SEMA5A: variants seen among roughly 807,000 people sequenced by gnomAD.
The protein encoded by SEMA5A is semaphorin 5A.
In SEMA5A, 55 loss-of-function variants were observed where a neutral mutation model predicts 135.5. That is an observed-to-expected ratio of 0.41 (90% confidence interval 0.33 to 0.51). The LOEUF (loss-of-function observed/expected upper bound fraction) is 0.51, where lower values mean the gene tolerates loss of function less well. SEMA5A is among the 20% of genes least tolerant of loss of function. The pLI, the probability that SEMA5A is intolerant of heterozygous loss-of-function variation, is 0.37. For synonymous variants in SEMA5A, 580 were observed against 546.5 expected, an observed-to-expected ratio of 1.06 and a Z score of -0.85; for missense variants, 1,290 against 1,419.9, an observed-to-expected ratio of 0.91 and a Z score of 1.47.
chr5:9,378,612 T>C (rs901406826), intron 3 of SEMA5A, among the ~76,000 whole-genome samples: 1 of 152,226 alleles, frequency 6.6e-6, no homozygotes, highest in African/African-American at 2.4e-5. Context: ...AACTCCAGAC[T>C]GTGGGAAACT....
chr5:9,063,563 T>C (rs1737298937), intron 17 of SEMA5A, among the ~76,000 whole-genome samples: 2 of 152,202 alleles, frequency 1.3e-5, no homozygotes, highest in Admixed American at 6.5e-5. Flanking sequence ...CTTTCAGCTG[T>C]TAACCTTTCA....
chr5:9,432,043 A>G (rs1303718686), intron 2 of SEMA5A, among the ~76,000 whole-genome samples: 1 of 152,208 alleles, frequency 6.6e-6, no homozygotes, highest in African/African-American at 2.4e-5. Flanking sequence ...ACAGAGAGAG[A>G]GGCAAGATTT....
At chr5:9,376,040 C>A (rs1470097291) in intron 3 of SEMA5A, among the ~76,000 whole-genome samples, 1 of 152,140 alleles carries the variant, frequency 6.6e-6, no homozygotes, top group African/African-American at 2.4e-5. Context: ...CTCAACCACA[C>A]TCCTTTCCAA....
chr5:9,069,218 C>A (rs1025209963), intron 16 of SEMA5A, among the ~76,000 whole-genome samples: 2 of 152,178 alleles, frequency 1.3e-5, no homozygotes, highest in African/African-American at 4.8e-5. Flanking sequence ...ATGGTAGAAA[C>A]CTTCCTGAAA....
At chr5:9,109,196 A>T (rs1740106999) in intron 15 of SEMA5A, among the ~76,000 whole-genome samples, 1 of 150,744 alleles carries the variant, frequency 6.6e-6, no homozygotes, top group Non-Finnish European at 1.5e-5. Flanking sequence ...GCCCGCCACT[A>T]CGCCCGGCTA....
intron 21 of SEMA5A, 53 bp from the exon 22 acceptor site, chr5:9,044,637 G>T: frequency 7.0e-7 from 1 of 1,428,884 alleles, no homozygotes; most frequent in Non-Finnish European, 9.9e-7. Flanking sequence ...ATCCTGCCTA[G>T]CTACTCAAAG....
intron 11 of SEMA5A, among the ~76,000 whole-genome samples, chr5:9,170,235 G>C (rs112780061): frequency 6.6e-6 from 1 of 152,186 alleles, no homozygotes; most frequent in East Asian, 1.9e-4. Context: ...ATGAACATGG[G>C]TGACTCATTT....
chr5:9,478,680 C>T (rs1759761014), intron 1 of SEMA5A, among the ~76,000 whole-genome samples: 1 of 152,206 alleles, frequency 6.6e-6, no homozygotes, highest in Admixed American at 6.5e-5. Context: ...AGCATTTACT[C>T]GATGCCTGTA....
intron 2 of SEMA5A, among the ~76,000 whole-genome samples, chr5:9,410,443 G>C (rs1446401284): frequency 1.3e-5 from 2 of 152,176 alleles, no homozygotes; most frequent in African/African-American, 4.8e-5. Context: ...ATCTCCGCAG[G>C]ATTGGGATTT....
intron 1 of SEMA5A, chr5:9,498,498 T>C (rs1329358535): frequency 6.6e-6 from 1 of 152,144 alleles, no homozygotes. Context: ...AATTTAAGCT[T>C]GTTATCCTTC....
At chr5:9,258,357 T>A (rs40709) in intron 5 of SEMA5A, among the ~76,000 whole-genome samples, 33,724 of 152,090 alleles carry the variant, frequency 0.22, 3,770 homozygotes, top group Middle Eastern at 0.3. Context: ...GTCTTGGGAT[T>A]GGATTTAGGT....
At chr5:9,149,770 T>C (rs986091609) in intron 12 of SEMA5A, among the ~76,000 whole-genome samples, 8 of 152,222 alleles carry the variant, frequency 5.3e-5, no homozygotes, top group Non-Finnish European at 1.2e-4. Flanking sequence ...GCTATAACAT[T>C]TTCTTGTGGG....
intron 5 of SEMA5A, among the ~76,000 whole-genome samples, chr5:9,312,597 C>G (rs1033676516): frequency 6.6e-6 from 1 of 152,142 alleles, no homozygotes; most frequent in African/African-American, 2.4e-5. Flanking sequence ...TGTGAATATT[C>G]ATATGGTCAT....
At position 9,515,374 on chromosome 5, in the gene SEMA5A, T is replaced by A. The variant is rs543476051; in HGVS notation, c.-175+30210A>T. Among the ~76,000 whole-genome samples the A allele has an allele frequency of 2.6e-5, 4 of 152,300 alleles. No homozygotes were observed. The East Asian group carries it at 7.7e-4, about 29-fold the overall frequency. On this transcript the variant is annotated intron_variant, in intron 1 of 22. Coordinates refer to ENST00000382496, the MANE Select transcript of SEMA5A (RefSeq NM_003966.3). ...TCTGAAGGCAGGGACCATCTCTAGTTCGTCATGCAACGGAAACTTAAAAAT... is the reference window on the plus strand; with the variant it reads ...TCTGAAGGCAGGGACCATCTCTAGTACGTCATGCAACGGAAACTTAAAAAT...
chr5:9,283,302 TGA>T (rs1344710059), intron 5 of SEMA5A, among the ~76,000 whole-genome samples: 1 of 152,190 alleles, frequency 6.6e-6, no homozygotes, highest in Non-Finnish European at 1.5e-5. Context: ...TTTAGGCTTG[TGA>T]GAGTCTTCTA....
chr5:9,138,445 T>C (rs568156902), intron 12 of SEMA5A, among the ~76,000 whole-genome samples: 13 of 152,346 alleles, frequency 8.5e-5, no homozygotes, highest in African/African-American at 2.9e-4. Flanking sequence ...GTGCACGCGG[T>C]TTCGCATTTT....
intron 1 of SEMA5A, among the ~76,000 whole-genome samples, chr5:9,467,844 A>G (rs1395622961): frequency 6.6e-6 from 1 of 152,246 alleles, no homozygotes; most frequent in African/African-American, 2.4e-5. Flanking sequence ...AATGCTACAA[A>G]TAAGGAAACA....
At position 9,309,925 on chromosome 5, in the gene SEMA5A, G is replaced by A. The variant is rs191333669; in HGVS notation, c.270+8447C>T. Among the ~76,000 whole-genome samples the A allele has an allele frequency of 5.4e-4, 6 of 11,078 alleles. No homozygotes were observed. The Admixed American group carries it at 8.0e-3, about 15-fold the overall frequency. 7.3% of individuals were successfully genotyped at this position (11,078 alleles called of 152,430 possible). A position where few individuals can be genotyped will look rare whatever the true frequency, so the allele number is the denominator to read the frequency against. On this transcript the variant is annotated intron_variant, in intron 5 of 22. Transcript: ENST00000382496. Reference sequence around the variant, plus strand: ...ATATAAGAGCCTAGAATCTGAGGAGGACCGTTGGTAACGCTGTCTCAGGTT... The same window carrying A: ...ATATAAGAGCCTAGAATCTGAGGAGAACCGTTGGTAACGCTGTCTCAGGTT...
intron 2 of SEMA5A, among the ~76,000 whole-genome samples, chr5:9,396,246 GCACACACA>G (rs147262677): frequency 2.2e-3 from 323 of 148,952 alleles, no homozygotes; most frequent in South Asian, 0.011. Context: ...GCGCGTGCGT[GCACACACA>G]CACACACACA....
Sources: gnomAD v4.1 joint callset for allele counts (sites outside exome capture counted in the v4.1 genomes callset) on GRCh38, gnomAD v4.1.1 for gene constraint, MANE v1.5 for transcripts, NCBI Gene and HGNC (gene_info 2026-07-23, HGNC 2026-07-21) for gene names.